Variants in MGAT5 observed in about 807,000 individuals in gnomAD.
The protein encoded by MGAT5 is alpha-1,6-mannosylglycoprotein 6-beta-N-acetylglucosaminyltransferase, also known as alpha-1,6-mannosylglycoprotein 6-beta-N-acetylglucosaminyltransferase A.
A neutral mutation model predicts 94.3 loss-of-function variants in MGAT5; 30 were observed. That is an observed-to-expected ratio of 0.32 (90% confidence interval 0.24 to 0.43). The LOEUF (loss-of-function observed/expected upper bound fraction) is 0.43. Ranked by LOEUF, MGAT5 falls within the 20% of genes least tolerant of loss-of-function variation. The pLI, the probability that MGAT5 is intolerant of heterozygous loss-of-function variation, is 1.00. For missense variants in MGAT5, 691 were observed against 905.5 expected (o/e 0.76, Z 3.04); for synonymous variants, 310 against 322.9 (o/e 0.96, Z 0.43).
intron 10 of MGAT5, among the ~76,000 whole-genome samples, chr2:134,368,037 A>G (rs1037625399): frequency 3.3e-5 from 5 of 152,302 alleles, no homozygotes; most frequent in African/African-American, 9.6e-5. Flanking sequence ...GCCAAGTCCT[A>G]CAGCACATGA....
intron 1 of MGAT5, among the ~76,000 whole-genome samples, chr2:134,176,829 T>G (rs4954112): frequency 0.26 from 39,007 of 152,060 alleles, 9,324 homozygotes; most frequent in African/African-American, 0.62. Context: ...CACTGACCTT[T>G]GAGAGGTGGG....
At position 134,403,116 on chromosome 2, in the gene MGAT5, G is replaced by A; in HGVS notation, c.1509G>A (p.Gln503=). The A allele has an allele frequency of 6.2e-7, 1 of 1,603,372 alleles. No individual in the cohort carries two copies. The highest frequency in any genetic ancestry group is 8.5e-7 in the Non-Finnish European group (1 of 1,177,758). The change falls in exon 11 of 16, where the codon CAG becomes CAA. Residue 503 remains glutamine (Q), a synonymous_variant. Coordinates refer to ENST00000281923, the MANE Select transcript of MGAT5 (RefSeq NM_002410.5). ...GTATCCTCAGTGGACGGGACCTGCA[G>A]TTCCTTCTTCGAGAAACCAAGGTAA... The part of the protein sequence containing the change: ...NHGILSGRDL[Q]FLLRETKLFV...
At chr2:134,187,775 A>T (rs1162931477) in intron 1 of MGAT5, among the ~76,000 whole-genome samples, 1 of 152,256 alleles carries the variant, frequency 6.6e-6, no homozygotes, top group East Asian at 1.9e-4. Context: ...ATCTCATTAT[A>T]TAATTTTTAT....
At chr2:134,132,793 C>T (rs1219532617) in intron 1 of MGAT5, among the ~76,000 whole-genome samples, 1 of 152,230 alleles carries the variant, frequency 6.6e-6, no homozygotes, top group African/African-American at 2.4e-5. Flanking sequence ...TCTCCTCATA[C>T]CCTTGTAGAA....
rs951757005 is a variant in MGAT5, at chr2:134,318,733, C to T, written c.567C>T (p.Leu189=). The T allele has an allele frequency of 1.2e-6, 2 of 1,611,404 alleles. No homozygotes were observed. The highest frequency in any genetic ancestry group is 1.6e-4 in the Middle Eastern group (1 of 6,072). ...DGSTCSFFIY[L]SEVENWCPHL... ...CCACCTGCTCTTTTTTTATTTACCT[C>T]AGTGAGGTGAGTAGCTTTCTGTGGC... is the stretch of plus-strand genomic sequence containing the variant. Residue 189 remains leucine, a synonymous_variant, in exon 4 of 16, where the codon CTC becomes CTT. Coordinates refer to ENST00000281923, the MANE Select transcript of MGAT5 (RefSeq NM_002410.5).
At chr2:134,378,969 T>C (rs976894614) in intron 10 of MGAT5, among the ~76,000 whole-genome samples, 22 of 152,172 alleles carry the variant, frequency 1.4e-4, no homozygotes, top group African/African-American at 5.3e-4. Flanking sequence ...TCCTGGCACA[T>C]AGTAATGATT....
intron 1 of MGAT5, among the ~76,000 whole-genome samples, chr2:134,189,206 T>G (rs1027303809): frequency 1.3e-5 from 2 of 152,222 alleles, no homozygotes; most frequent in Admixed American, 1.3e-4. Context: ...TTCCCCTCTC[T>G]GGATTGGGCT....
chr2:134,153,911 T>C (rs1687350542), intron 1 of MGAT5, among the ~76,000 whole-genome samples: 1 of 152,138 alleles, frequency 6.6e-6, no homozygotes, highest in South Asian at 2.1e-4. Flanking sequence ...ACTCTCTCCC[T>C]CCCTTCCCTC....
At chr2:134,145,807 A>G (rs553808177) in intron 1 of MGAT5, among the ~76,000 whole-genome samples, 2 of 152,320 alleles carry the variant, frequency 1.3e-5, no homozygotes, top group East Asian at 3.9e-4. Context: ...GAAACACATG[A>G]AAGTCCCTTA....
chr2:134,209,182 A>ATTTTTTTTTTTC (rs1680188742), intron 1 of MGAT5, among the ~76,000 whole-genome samples: 4 of 30,480 alleles, frequency 1.3e-4, no homozygotes, highest in Non-Finnish European at 1.8e-4. Context: ...TTTTTTTTTT[A>ATTTTTTTTTTTC]TTTTTTAATT....
intron 2 of MGAT5, among the ~76,000 whole-genome samples, chr2:134,276,162 C>T (rs891301709): frequency 4.0e-5 from 6 of 150,284 alleles, no homozygotes; most frequent in Admixed American, 6.6e-5. Flanking sequence ...CAAGCCCCCC[C>T]ACCCCCGCCG....
upstream of MGAT5, among the ~76,000 whole-genome samples, chr2:134,251,016 G>A (rs997622033): frequency 2.0e-5 from 3 of 152,126 alleles, no homozygotes; most frequent in African/African-American, 7.2e-5. Context: ...GGTTAATTGA[G>A]GAAGTAGAGT....
chr2:134,325,494 ACCT>A (rs1389330475), intron 4 of MGAT5, among the ~76,000 whole-genome samples: 1 of 151,946 alleles, frequency 6.6e-6, no homozygotes, highest in East Asian at 1.9e-4. Flanking sequence ...TTCATTTATA[ACCT>A]CCTCTGCTTC....
chr2:134,237,973 A>C (rs1400489650), intron 1 of MGAT5, among the ~76,000 whole-genome samples: 3 of 151,736 alleles, frequency 2.0e-5, no homozygotes, highest in Non-Finnish European at 4.4e-5. Context: ...CTGATCTCCA[A>C]CTCCTGACCT....
intron 1 of MGAT5, among the ~76,000 whole-genome samples, chr2:134,230,847 C>CA (rs1681324613): frequency 6.6e-6 from 1 of 151,558 alleles, no homozygotes; most frequent in Non-Finnish European, 1.5e-5. Context: ...CACACACACA[C>CA]CCATCAAGTC....
intron 1 of MGAT5, among the ~76,000 whole-genome samples, chr2:134,238,431 A>G (rs1250153564): frequency 1.3e-5 from 2 of 152,208 alleles, no homozygotes; most frequent in African/African-American, 4.8e-5. Flanking sequence ...TTCAGAGGAG[A>G]AGCAATGTGA....
chr2:134,341,711 T>A lies in MGAT5; in HGVS notation c.929T>A (p.Leu310Ter). 6.2e-7 allele frequency: 1 copy of A among 1,613,188 alleles called. No homozygotes were observed. Among genetic ancestry groups the A allele is most frequent in the Non-Finnish European group, 8.5e-7 (1 of 1,179,502 alleles). Residue 310 changes from leucine (L) to a stop codon, truncating the protein, a stop_gained, in exon 7 of 16, where the codon TTA (leucine) becomes TAA (stop). Transcript: ENST00000281923. LOFTEE classifies it high-confidence loss of function. ...QWSDLITSLYLLGHDIRISAS... is the reference protein window; with the variant it reads ...QWSDLITSLY Reference sequence around the variant, plus strand: ...AGTGATTTAATTACATCTCTGTACTTACTGGGCCATGACATTAGGATTTCA... The same window carrying A: ...AGTGATTTAATTACATCTCTGTACTAACTGGGCCATGACATTAGGATTTCA...
intron 1 of MGAT5, among the ~76,000 whole-genome samples, chr2:134,232,101 G>A (rs200908938): frequency 6.0e-5 from 7 of 117,122 alleles, no homozygotes; most frequent in African/African-American, 1.5e-4. Context: ...CCTCCTCCTC[G>A]TCTTCCCTCA....
chr2:134,320,474 G>T (rs1468815762), intron 4 of MGAT5, among the ~76,000 whole-genome samples: 1 of 151,822 alleles, frequency 6.6e-6, no homozygotes, highest in African/African-American at 2.4e-5. Flanking sequence ...AATCAAAACC[G>T]GCTGGCTTCC....
Sources: allele counts gnomAD v4.1 joint callset (sites outside exome capture counted in the v4.1 genomes callset), GRCh38; gene constraint gnomAD v4.1.1; transcripts MANE v1.5; gene names NCBI Gene and HGNC (gene_info 2026-07-23, HGNC 2026-07-21).